The following KIF1B variants were observed in gnomAD, a reference collection of about 807,000 sequenced individuals.
The protein encoded by KIF1B is kinesin family member 1B.
A neutral mutation model predicts 241.9 loss-of-function variants in KIF1B; 76 were observed. The observed-to-expected ratio is 0.31, with a 90% CI of 0.26 to 0.38. KIF1B has a LOEUF of 0.38. KIF1B is among the 10% of genes least tolerant of loss of function. The probability of loss-of-function intolerance (pLI) is 1.00; values close to 1 mark genes in which losing one functional copy is unlikely to be tolerated. For missense variants in KIF1B, 1,622 were observed against 2,271.4 expected (o/e 0.71, Z 5.81); for synonymous variants, 750 against 796.7 (o/e 0.94, Z 0.99).
chr1:10,212,912 AT>A (rs1646714666), intron 1 of KIF1B, among the ~76,000 whole-genome samples: 1 of 126,890 alleles, frequency 7.9e-6, no homozygotes, highest in Non-Finnish European at 1.6e-5. Context: ...ATATATATAT[AT>A]ATATATATAT....
At chr1:10,299,147 C>T (rs887035518) in intron 22 of KIF1B, 1 of 151,540 alleles carries the variant, frequency 6.6e-6, no homozygotes, top group Non-Finnish European at 1.5e-5. Flanking sequence ...TAACTAAGCA[C>T]GGCAGAATAA....
At chr1:10,276,150 C>T (rs552390395) in intron 11 of KIF1B, among the ~76,000 whole-genome samples, 171 bp from the exon 12 acceptor site, 231 of 151,692 alleles carry the variant, frequency 1.5e-3, no homozygotes, top group Admixed American at 3.9e-3. Flanking sequence ...TCTGGTGATC[C>T]GCCCACCTGG....
At chr1:10,251,385 T>C (rs1419083931) in intron 2 of KIF1B, among the ~76,000 whole-genome samples, 1 of 151,854 alleles carries the variant, frequency 6.6e-6, no homozygotes, top group Non-Finnish European at 1.5e-5. Context: ...ATCTGAGTAG[T>C]CTTTCAGTCA....
chr1:10,289,309 C>G (rs1649869617), intron 15 of KIF1B, among the ~76,000 whole-genome samples: 1 of 152,174 alleles, frequency 6.6e-6, no homozygotes, highest in African/African-American at 2.4e-5. Flanking sequence ...TCTCTTATCT[C>G]CTACTGTATT....
intron 2 of KIF1B, among the ~76,000 whole-genome samples, chr1:10,250,700 C>T (rs1647388826): frequency 6.6e-6 from 1 of 152,112 alleles, no homozygotes; most frequent in Non-Finnish European, 1.5e-5. Flanking sequence ...GTAGTGCACA[C>T]CTATAGGCCC....
At chr1:10,364,495 C>T (rs552414062) in intron 41 of KIF1B, among the ~76,000 whole-genome samples, 36 of 139,942 alleles carry the variant, frequency 2.6e-4, no homozygotes, top group African/African-American at 6.9e-4. Context: ...TGAGCCATCA[C>T]GCCCGGCCCC....
At chr1:10,307,370 C>A in intron 22 of KIF1B, 1 of 787,484 alleles carries the variant, frequency 1.3e-6, no homozygotes, top group Non-Finnish European at 1.6e-6. Flanking sequence ...AGTGCAGTGG[C>A]ACAATCTCAG....
chr1:10,223,072 T>C (rs1646865475), intron 1 of KIF1B, among the ~76,000 whole-genome samples: 1 of 152,016 alleles, frequency 6.6e-6, no homozygotes, highest in Non-Finnish European at 1.5e-5. Flanking sequence ...GCCAACATAG[T>C]GAAACTCTGT....
At chr1:10,240,504 G>A (rs1309609635) in intron 2 of KIF1B, among the ~76,000 whole-genome samples, 16 of 151,918 alleles carry the variant, frequency 1.1e-4, no homozygotes, top group Admixed American at 9.8e-4. Context: ...CACCACACCC[G>A]GCCTGAACCA....
intron 29 of KIF1B, 132 bp downstream of exon 29, chr1:10,336,874 A>T: frequency 9.3e-7 from 1 of 1,071,624 alleles, no homozygotes; most frequent in Non-Finnish European, 1.4e-6. Context: ...AGAATATGGG[A>T]CATGTCTAAC....
At chr1:10,307,095 G>A in intron 22 of KIF1B, 1 of 1,035,498 alleles carries the variant, frequency 9.7e-7, no homozygotes, top group South Asian at 4.6e-5. Context: ...TATTTAGATA[G>A]CTAAAATATC....
intron 3 of KIF1B, among the ~76,000 whole-genome samples, chr1:10,257,046 T>C (rs971818588): frequency 2.0e-5 from 3 of 151,826 alleles, no homozygotes; most frequent in Non-Finnish European, 4.4e-5. Flanking sequence ...AGGGTACTGT[T>C]AATTTTAAGT....
intron 26 of KIF1B, among the ~76,000 whole-genome samples, chr1:10,325,667 A>T (rs935652049): frequency 6.6e-6 from 1 of 152,318 alleles, no homozygotes; most frequent in African/African-American, 2.4e-5. Context: ...TACCCTAGCA[A>T]AGCACATGCT....
chr1:10,305,852 A>C, intron 22 of KIF1B: 1 of 1,052,222 alleles, frequency 9.5e-7, no homozygotes, highest in African/African-American at 1.7e-5. Context: ...AGTTTGTCAA[A>C]AAGTTTTCTA....
In KIF1B at chr1:10,283,206, CAAAAAAAAAAAAAA is replaced by C. The variant is rs33994771; in HGVS notation, c.1434+685_1434+698del. Among the ~76,000 whole-genome samples the C allele has an allele frequency of 3.4e-4, 21 of 61,572 alleles. No homozygotes were observed. The Admixed American group carries it at 3.9e-3, about 12-fold the overall frequency. The allele number at this position is 61,572 out of a possible 152,430, so 40.4% of individuals were successfully genotyped here. A position where few individuals can be genotyped will look rare whatever the true frequency, so the allele number is the denominator to read the frequency against. On this transcript the variant is annotated intron_variant, in intron 15 of 48. Transcript: ENST00000676179. ...TGGGGGACACAGTGAGACTCCGTCT[CAAAAAAAAAAAAAA>C]AAAAAAAAAAAGATAAAGTTAGAAC...
chr1:10,303,639 C>T lies in KIF1B; in HGVS notation c.2115+6393C>T, dbSNP rs1170139021. 6.2e-7 allele frequency: 1 copy of T among 1,613,924 alleles called. No individual in the cohort carries two copies. Among genetic ancestry groups the T allele is most frequent in the African/African-American group, 1.3e-5 (1 of 74,860 alleles). ...GGAAAGGCAGCACTGATGTAGATGA[C>T]CTCAAGGTTCATATAGACAAGCTGG... On this transcript the variant is annotated intron_variant, in intron 22 of 48. Coordinates refer to ENST00000676179, the MANE Select transcript of KIF1B (RefSeq NM_001365951.3). This position sits in a 1 kb window ranked among gnomAD's most constrained non-coding sequence, Gnocchi z 5.2.
intron 2 of KIF1B, among the ~76,000 whole-genome samples, chr1:10,249,450 A>G (rs1020532261): frequency 6.6e-6 from 1 of 152,160 alleles, no homozygotes; most frequent in Non-Finnish European, 1.5e-5. Flanking sequence ...TACATGACAC[A>G]TGGAGGGCAT....
chr1:10,232,458 A>G (rs551212618), intron 2 of KIF1B, 24 bp downstream of exon 2: 1 of 1,496,522 alleles, frequency 6.7e-7, no homozygotes, highest in South Asian at 1.1e-5. Context: ...GTTTTCTCTC[A>G]GCTGTGTATC....
chr1:10,320,078 G>T lies in KIF1B; in HGVS notation c.2151G>T (p.Gln717His). The T allele has an allele frequency of 6.2e-7, 1 of 1,613,856 alleles. No homozygotes were observed. Among genetic ancestry groups the T allele is most frequent in the Non-Finnish European group, 8.5e-7 (1 of 1,179,850 alleles). Reference sequence around the variant, plus strand: ...GTAAATTGCAGGCCTTGCAGAAGCAGGTTGAAACCCGATCTCTGGCTGCAG... The same window carrying T: ...GTAAATTGCAGGCCTTGCAGAAGCATGTTGAAACCCGATCTCTGGCTGCAG... ...YESKLQALQK[Q>H]VETRSLAAET... The change falls in exon 23 of 49, where the codon CAG (glutamine) becomes CAT (histidine). Residue 717 changes from glutamine to histidine, a missense_variant. Gln to His is a conservative substitution (Grantham distance 24, BLOSUM62 0). Around this residue, in one of 7 missense-constraint regions of KIF1B, gnomAD observed 803 missense variants for 1,112.0 expected, o/e 0.72. Transcript: ENST00000676179.
Sources: allele counts gnomAD v4.1 joint callset (sites outside exome capture counted in the v4.1 genomes callset), GRCh38; gene constraint gnomAD v4.1.1; regional missense constraint gnomAD v4.1.1; non-coding constraint Gnocchi (gnomAD v3.1); transcripts MANE v1.5; gene names NCBI Gene and HGNC (gene_info 2026-07-23, HGNC 2026-07-21).